LRRFIP1: variants seen among roughly 807,000 people sequenced by gnomAD.
The protein encoded by LRRFIP1 is leucine-rich repeat flightless-interacting protein 1.
A neutral mutation model predicts 104.4 loss-of-function variants in LRRFIP1; 62 were observed. The ratio of observed to expected loss-of-function variants is 0.59; its 90% CI spans 0.48 to 0.73. The LOEUF is 0.73. Among genes scored for constraint, LRRFIP1 ranks in the 30% least tolerant of loss-of-function variants. The pLI is 0.00. For missense variants in LRRFIP1, 796 were observed against 824.5 expected, an observed-to-expected ratio of 0.97 and a Z score of 0.42; for synonymous variants, 300 against 299.0, an observed-to-expected ratio of 1.00 and a Z score of -0.03.
intron 1 of LRRFIP1, among the ~76,000 whole-genome samples, chr2:237,673,922 G>GT (rs10686491): frequency 6.6e-6 from 1 of 151,660 alleles, no homozygotes; most frequent in East Asian, 1.9e-4. Flanking sequence ...TGTGCAGAGC[G>GT]CGTCTACAAA....
intron 1 of LRRFIP1, among the ~76,000 whole-genome samples, chr2:237,656,685 G>A (rs931715478): frequency 1.3e-5 from 2 of 152,162 alleles, no homozygotes; most frequent in Non-Finnish European, 2.9e-5. Context: ...CACAATAGAA[G>A]TTAATTCATT....
chr2:237,759,069 T>TAGA (rs766282644), intron 18 of LRRFIP1, among the ~76,000 whole-genome samples: 2 of 152,354 alleles, frequency 1.3e-5, no homozygotes, highest in East Asian at 3.9e-4. Flanking sequence ...AATTTTTTGA[T>TAGA]ACATTATCTA....
At position 237,685,661 on chromosome 2, in the gene LRRFIP1, G is replaced by A. The variant is rs1188083551; in HGVS notation, c.97-22883G>A. Among the ~76,000 whole-genome samples, 5 of 152,220 alleles carry A rather than the reference G, an allele frequency of 3.3e-5. No homozygotes were observed. The East Asian group carries it at 7.7e-4, about 24-fold the overall frequency. ...TCAGTACAAGATGCCAGTGCCTGCAGCTCCCCTCCCCGCTCCCCACACCCA... is the reference window on the plus strand; with the variant it reads ...TCAGTACAAGATGCCAGTGCCTGCAACTCCCCTCCCCGCTCCCCACACCCA... On this transcript the variant is annotated intron_variant, in intron 1 of 23. Coordinates refer to ENST00000308482, the MANE Select transcript of LRRFIP1 (RefSeq NM_001137550.2).
chr2:237,692,130 CT>C (rs2092826231), intron 1 of LRRFIP1: 3 of 953,180 alleles, frequency 3.1e-6, no homozygotes, highest in Admixed American at 1.3e-4. Context: ...GGGAGGGCCC[CT>C]CCGAGGCGGA....
chr2:237,762,631 T>C (rs1288437994), intron 19 of LRRFIP1: 2 of 1,607,632 alleles, frequency 1.2e-6, no homozygotes, highest in Non-Finnish European at 1.7e-6. Flanking sequence ...AGGTGAAAAA[T>C]GAAATCGTGG....
At chr2:237,728,780 T>C (rs1158644836) in intron 8 of LRRFIP1, among the ~76,000 whole-genome samples, 2 of 152,182 alleles carry the variant, frequency 1.3e-5, no homozygotes, top group African/African-American at 2.4e-5. Flanking sequence ...ATGCTTAAAT[T>C]ATACTTTTGG....
chr2:237,743,935 C>A (rs2057461430), intron 11 of LRRFIP1, among the ~76,000 whole-genome samples: 1 of 152,176 alleles, frequency 6.6e-6, no homozygotes, highest in South Asian at 2.1e-4. Context: ...AAACATCCAT[C>A]AGGAATGTCC....
intron 1 of LRRFIP1, among the ~76,000 whole-genome samples, chr2:237,694,616 C>T (rs774297362): frequency 1.1e-4 from 17 of 152,192 alleles, no homozygotes; most frequent in South Asian, 2.1e-4. Flanking sequence ...GGGTCTCCTG[C>T]GGAAAGGAGG....
At position 237,692,176 on chromosome 2, in the gene LRRFIP1, C is replaced by T. The variant is rs1173805474; in HGVS notation, c.97-16368C>T. ...GGGGCGGGGCGGGCCGTGGGACGGG[C>T]GGAGGCGCCCGAGTCCCGCTTCCCC... On this transcript the variant is annotated intron_variant, in intron 1 of 23. Coordinates refer to ENST00000308482, the MANE Select transcript of LRRFIP1 (RefSeq NM_001137550.2). 9.8e-6 allele frequency: 10 copies of T among 1,024,448 alleles called. No individual in the cohort carries two copies. The East Asian group carries it at 6.3e-4, about 64-fold the overall frequency. 63.5% of individuals were successfully genotyped at this position (1,024,448 alleles called of 1,614,324 possible).
intron 23 of LRRFIP1, among the ~76,000 whole-genome samples, chr2:237,778,168 T>C (rs1407892133): frequency 2.6e-5 from 4 of 152,232 alleles, no homozygotes; most frequent in African/African-American, 7.2e-5. Context: ...TGTGAGCTTA[T>C]GCTTGATTTT....
At position 237,770,145 on chromosome 2, in the gene LRRFIP1, A is replaced by G. The variant is rs1037512747; in HGVS notation, c.1509+153A>G. 10 of 632,942 alleles carry G rather than the reference A, an allele frequency of 1.6e-5. No individual in the cohort carries two copies. In the Admixed American group the frequency reaches 2.5e-4, roughly 16 times the overall value. The allele number at this position is 632,942 out of a possible 1,614,324, so 39.2% of individuals were successfully genotyped here. A position where few individuals can be genotyped will look rare whatever the true frequency, so the allele number is the denominator to read the frequency against. ...TGGTGTTCTTAAGATTGCTATCCAA[A>G]TAGAACATCAAAGTTAATATTTTCA... On this transcript the variant is annotated intron_variant, in intron 20 of 23. Coordinates refer to ENST00000308482, the MANE Select transcript of LRRFIP1 (RefSeq NM_001137550.2).
chr2:237,679,567 G>T (rs2149620871), intron 1 of LRRFIP1, among the ~76,000 whole-genome samples: 1 of 152,286 alleles, frequency 6.6e-6, no homozygotes, highest in South Asian at 2.1e-4. Context: ...AAGATAGTTT[G>T]TAATAACAGA....
rs376814463 is a variant in LRRFIP1, at chr2:237,779,514, A to C, written c.1905A>C (p.Ala635=). The C allele has an allele frequency of 1.2e-6, 2 of 1,613,476 alleles. No individual in the cohort carries two copies. Among genetic ancestry groups the C allele is most frequent in the East Asian group, 2.2e-5 (1 of 44,860 alleles). The part of the protein sequence containing the change: ...RLEKMKANRS[A]LLSQQ ...AAAAAATGAAAGCAAATCGGAGTGC[A>C]CTCTTGTCCCAGCAGTAAATTCCAG... Residue 635 remains alanine (A), a synonymous_variant, in exon 24 of 24, where the codon GCA becomes GCC. Coordinates refer to ENST00000308482, the MANE Select transcript of LRRFIP1 (RefSeq NM_001137550.2).
intron 8 of LRRFIP1, among the ~76,000 whole-genome samples, chr2:237,729,570 A>G (rs2094913088): frequency 1.3e-5 from 2 of 152,090 alleles, no homozygotes; most frequent in African/African-American, 4.8e-5. Context: ...ACAAACACTG[A>G]AGGTGAAAAT....
chr2:237,773,585 A>G (rs752470357), intron 22 of LRRFIP1, among the ~76,000 whole-genome samples: 2 of 152,162 alleles, frequency 1.3e-5, no homozygotes, highest in African/African-American at 4.8e-5. Context: ...TTAAAAAAAC[A>G]CATCATACTG....
chr2:237,686,556 T>G (rs2092385153), intron 1 of LRRFIP1, among the ~76,000 whole-genome samples: 1 of 152,218 alleles, frequency 6.6e-6, no homozygotes, highest in African/African-American at 2.4e-5. Flanking sequence ...GAGAACATGC[T>G]TTTAATCGGG....
chr2:237,676,018 A>C (rs973641567), intron 1 of LRRFIP1, among the ~76,000 whole-genome samples: 1 of 152,210 alleles, frequency 6.6e-6, no homozygotes, highest in Non-Finnish European at 1.5e-5. Flanking sequence ...TTTTAGGTGT[A>C]AAGTTCAGTG....
At chr2:237,700,803 C>A (rs537215218) in intron 1 of LRRFIP1, among the ~76,000 whole-genome samples, 2 of 152,066 alleles carry the variant, frequency 1.3e-5, no homozygotes, top group African/African-American at 2.4e-5. Context: ...CTGGGCTCTG[C>A]GGGGGGAGGT....
chr2:237,687,535 C>T (rs1387704621), intron 1 of LRRFIP1, among the ~76,000 whole-genome samples: 6 of 136,838 alleles, frequency 4.4e-5, no homozygotes, highest in African/African-American at 8.3e-5. Flanking sequence ...GCCTGGGAGG[C>T]GGAGGCTGCA....
Sources: gnomAD v4.1 joint callset for allele counts (sites outside exome capture counted in the v4.1 genomes callset) on GRCh38, gnomAD v4.1.1 for gene constraint, MANE v1.5 for transcripts, NCBI Gene and HGNC (gene_info 2026-07-23, HGNC 2026-07-21) for gene names.